Variants in DAB2IP observed in about 807,000 individuals in gnomAD.
The protein encoded by DAB2IP is DAB2 interacting protein.
A neutral mutation model predicts 107.2 loss-of-function variants in DAB2IP; 28 were observed. That is an observed-to-expected ratio of 0.26 (90% CI 0.19 to 0.36). The LOEUF (loss-of-function observed/expected upper bound fraction) is 0.36, where lower values mean the gene tolerates loss of function less well. Ranked by LOEUF, DAB2IP falls within the 10% of genes least tolerant of loss-of-function variation. The probability of loss-of-function intolerance (pLI) is 1.00; values close to 1 mark genes in which losing one functional copy is unlikely to be tolerated. For synonymous variants in DAB2IP, 755 were observed against 706.4 expected (o/e 1.07, Z -1.09); for missense variants, 1,400 against 1,644.7 (o/e 0.85, Z 2.57).
chr9:121,579,908 A>T (rs1280852432), intron 1 of DAB2IP, among the ~76,000 whole-genome samples: 2 of 152,074 alleles, frequency 1.3e-5, no homozygotes, highest in African/African-American at 2.4e-5. Context: ...ACTTGGCCTC[A>T]CCTTGCCCAC....
Position 121,699,583 on chromosome 9 carries a change from C to A in DAB2IP, c.362+125C>A. ...ACGGCGGTGGGGGGACCCCACGCCG[C>A]CCGCCGGGAACTTATGGGGCCACCT... On this transcript the variant is annotated intron_variant, in intron 3 of 15. Coordinates refer to ENST00000408936, the Ensembl canonical transcript of DAB2IP. This position sits in a 1 kb window ranked among gnomAD's most constrained non-coding sequence, Gnocchi z 6.2. 1.1e-6 allele frequency: 1 copy of A among 886,946 alleles called. No homozygotes were observed. Among genetic ancestry groups the A allele is most frequent in the Non-Finnish European group, 1.4e-6 (1 of 705,526 alleles). The allele number at this position is 886,946 out of a possible 1,614,324, so 54.9% of individuals were successfully genotyped here. A position where few individuals can be genotyped will look rare whatever the true frequency, so the allele number is the denominator to read the frequency against.
exon 16 of DAB2IP, chr9:121,783,650 C>G: frequency 4.2e-6 from 6 of 1,414,358 alleles, no homozygotes; most frequent in Non-Finnish European, 6.0e-6. Flanking sequence ...GACTTGCTCC[C>G]TCTCCAAGAC....
intron 1 of DAB2IP, among the ~76,000 whole-genome samples, chr9:121,672,181 G>A (rs1448457818): frequency 6.6e-6 from 1 of 152,122 alleles, no homozygotes; most frequent in Non-Finnish European, 1.5e-5. Flanking sequence ...GTATGAAATG[G>A]CATCTGAGAC....
At chr9:121,693,792 T>C (rs1829282066) in intron 2 of DAB2IP, among the ~76,000 whole-genome samples, 1 of 152,200 alleles carries the variant, frequency 6.6e-6, no homozygotes, top group Admixed American at 6.5e-5. Flanking sequence ...GACAAATAGA[T>C]GCTGGGCTTG....
At chr9:121,674,605 T>C (rs1266595184) in intron 1 of DAB2IP, among the ~76,000 whole-genome samples, 2 of 152,184 alleles carry the variant, frequency 1.3e-5, no homozygotes, top group Non-Finnish European at 2.9e-5. Context: ...CTCTTTGCTA[T>C]AGACCTGTTG....
At chr9:121,648,780 A>G (rs1027398815), upstream of DAB2IP, among the ~76,000 whole-genome samples, 40 of 152,046 alleles carry the variant, frequency 2.6e-4, 1 homozygote, top group African/African-American at 9.7e-4. Flanking sequence ...GGAGAATAAG[A>G]CCAGACCTTT....
chr9:121,624,390 C>T (rs1397610546), intron 1 of DAB2IP, among the ~76,000 whole-genome samples: 1 of 152,198 alleles, frequency 6.6e-6, no homozygotes, highest in African/African-American at 2.4e-5. Flanking sequence ...ACGGCCAAAT[C>T]CAGACCATGC....
At chr9:121,687,914 C>T (rs1828967150) in intron 2 of DAB2IP, among the ~76,000 whole-genome samples, 1 of 152,174 alleles carries the variant, frequency 6.6e-6, no homozygotes, top group African/African-American at 2.4e-5. Context: ...TGTTGAGGCC[C>T]AGAGAGGGGA....
intron 1 of DAB2IP, among the ~76,000 whole-genome samples, chr9:121,641,083 T>TG (rs5900492): frequency 0.24 from 35,759 of 152,126 alleles, 4,769 homozygotes; most frequent in South Asian, 0.39. Context: ...TCCTTGGCTA[T>TG]GGGGGATGCT....
intron 1 of DAB2IP, among the ~76,000 whole-genome samples, chr9:121,638,796 G>A (rs985809755): frequency 6.6e-6 from 1 of 152,232 alleles, no homozygotes; most frequent in Admixed American, 6.5e-5. Context: ...TCTGGGAGAT[G>A]TCAATGAAGG....
chr9:121,676,674 C>G (rs560253882), intron 1 of DAB2IP, among the ~76,000 whole-genome samples: 1 of 152,216 alleles, frequency 6.6e-6, no homozygotes, highest in Non-Finnish European at 1.5e-5. Flanking sequence ...CGCACACACA[C>G]TGCAAATGAG....
intron 1 of DAB2IP, among the ~76,000 whole-genome samples, chr9:121,571,063 C>A (rs928007884): frequency 6.6e-6 from 1 of 152,096 alleles, no homozygotes; most frequent in Non-Finnish European, 1.5e-5. Flanking sequence ...TGTCTCCCCC[C>A]AGGGCCTTTG....
At chr9:121,691,974 G>A (rs1445217962) in intron 2 of DAB2IP, among the ~76,000 whole-genome samples, 3 of 152,198 alleles carry the variant, frequency 2.0e-5, no homozygotes, top group Non-Finnish European at 4.4e-5. Flanking sequence ...GAGTGTGAGA[G>A]AAGCAAACAA....
At chr9:121,774,374 A>T in exon 13 of DAB2IP, 1 of 1,612,660 alleles carries the variant, frequency 6.2e-7, no homozygotes, top group South Asian at 1.1e-5. Flanking sequence ...CCACAGGGAT[A>T]GGCTAAGGAG....
intron 1 of DAB2IP, among the ~76,000 whole-genome samples, chr9:121,614,761 T>A (rs1442766718): frequency 6.8e-6 from 1 of 146,220 alleles, no homozygotes; most frequent in African/African-American, 2.5e-5. Context: ...TGAGATGGAG[T>A]CTTGCTCTAT....
exon 16 of DAB2IP, chr9:121,783,406 T>C: frequency 6.3e-7 from 1 of 1,590,014 alleles, no homozygotes; most frequent in South Asian, 1.1e-5. Flanking sequence ...AGTGGTCCTG[T>C]AGGGAGTGCC....
chr9:121,715,821 A>C (rs1830573732), intron 3 of DAB2IP, among the ~76,000 whole-genome samples: 1 of 152,174 alleles, frequency 6.6e-6, no homozygotes. Flanking sequence ...TTGTCTGCAG[A>C]GGTGGGTGGA....
intron 1 of DAB2IP, chr9:121,598,292 G>A (rs1162755461): frequency 4.6e-5 from 7 of 152,330 alleles, no homozygotes; most frequent in Non-Finnish European, 8.8e-5. Flanking sequence ...CTGTCTGTAC[G>A]ACTGGGAGAG....
chr9:121,770,034 G>C (rs1251502623), intron 10 of DAB2IP, among the ~76,000 whole-genome samples: 1 of 152,256 alleles, frequency 6.6e-6, no homozygotes, highest in African/African-American at 2.4e-5. Flanking sequence ...AAGCGTGCCA[G>C]CAAGGTTCAG....
Sources: allele counts gnomAD v4.1 joint callset (sites outside exome capture counted in the v4.1 genomes callset), GRCh38; gene constraint gnomAD v4.1.1; non-coding constraint Gnocchi (gnomAD v3.1); transcripts MANE v1.5; gene names NCBI Gene and HGNC (gene_info 2026-07-23, HGNC 2026-07-21).